The following MDFIC2 variants were observed in gnomAD, a reference collection of about 807,000 sequenced individuals.
MDFIC2 encodes the protein MyoD family inhibitor domain containing 2.
At chr3:70,219,754 C>T (rs1025101924) in intron 2 of MDFIC2, among the ~76,000 whole-genome samples, 4 of 152,076 alleles carry the variant, frequency 2.6e-5, no homozygotes, top group African/African-American at 9.7e-5. Flanking sequence ...AGATTAAGAG[C>T]AATTCTGAAA....
At chr3:70,298,905 T>C (rs1362955709) in intron 2 of MDFIC2, among the ~76,000 whole-genome samples, 2 of 152,160 alleles carry the variant, frequency 1.3e-5, no homozygotes, top group Non-Finnish European at 2.9e-5. Context: ...CTGACCTTTA[T>C]TTTCCTCATT....
chr3:70,226,844 G>C (rs928127136), intron 2 of MDFIC2, among the ~76,000 whole-genome samples: 15 of 151,916 alleles, frequency 9.9e-5, no homozygotes. Flanking sequence ...AAAAAAAATA[G>C]TGCTTAGCAG....
chr3:70,233,133 G>A (rs1380957411), intron 2 of MDFIC2, among the ~76,000 whole-genome samples: 1 of 152,206 alleles, frequency 6.6e-6, no homozygotes, highest in Non-Finnish European at 1.5e-5. Flanking sequence ...AGTTTGCAGT[G>A]AGCCAAGATC....
chr3:70,272,553 T>C (rs1701985213), intron 2 of MDFIC2, among the ~76,000 whole-genome samples: 1 of 152,256 alleles, frequency 6.6e-6, no homozygotes, highest in African/African-American at 2.4e-5. Context: ...TGAATAAGGC[T>C]GCTATAAACA....
chr3:70,266,524 G>A (rs73102610), intron 2 of MDFIC2, among the ~76,000 whole-genome samples: 1 of 152,006 alleles, frequency 6.6e-6, no homozygotes, highest in Non-Finnish European at 1.5e-5. Flanking sequence ...AGGCTCAAGT[G>A]ATCCAGAGTC....
intron 2 of MDFIC2, among the ~76,000 whole-genome samples, chr3:70,225,261 T>C (rs1701492677): frequency 6.6e-6 from 1 of 152,204 alleles, no homozygotes; most frequent in African/African-American, 2.4e-5. Flanking sequence ...AATAAACTTT[T>C]CCCCAGATTT....
chr3:70,230,745 C>T lies in MDFIC2; in HGVS notation c.89-23955G>A, dbSNP rs181718927. Among the ~76,000 whole-genome samples, 37 of 152,308 alleles carry T rather than the reference C, an allele frequency of 2.4e-4. 1 individual carries two copies. In the East Asian group the frequency reaches 4.6e-3, roughly 19 times the overall value. On this transcript the variant is annotated intron_variant, in intron 2 of 3. Coordinates refer to ENST00000567252, the MANE Select transcript of MDFIC2 (RefSeq NM_001364677.1). Reference sequence around the variant, plus strand: ...TGTCTGTGGAAGAATTCATCCCATGCCTTCACCCTCCTTGAGTTTTAAAGG... The same window carrying T: ...TGTCTGTGGAAGAATTCATCCCATGTCTTCACCCTCCTTGAGTTTTAAAGG...
intron 2 of MDFIC2, among the ~76,000 whole-genome samples, chr3:70,227,469 A>C (rs1214680396): frequency 6.6e-6 from 1 of 152,218 alleles, no homozygotes; most frequent in Non-Finnish European, 1.5e-5. Flanking sequence ...GACTTTGGCA[A>C]TATGGAGGTC....
intron 2 of MDFIC2, among the ~76,000 whole-genome samples, chr3:70,309,349 A>G (rs769595408): frequency 2.0e-5 from 3 of 152,192 alleles, no homozygotes; most frequent in Admixed American, 6.6e-5. Flanking sequence ...AAATACTATA[A>G]AAAGCATTGT....
chr3:70,263,766 T>C (rs1701889738), intron 2 of MDFIC2, among the ~76,000 whole-genome samples: 1 of 152,176 alleles, frequency 6.6e-6, no homozygotes, highest in South Asian at 2.1e-4. Context: ...CTTTCCTTCA[T>C]CTCAGTAACA....
intron 2 of MDFIC2, among the ~76,000 whole-genome samples, chr3:70,243,795 G>A (rs1701681592): frequency 6.6e-6 from 1 of 152,134 alleles, no homozygotes; most frequent in Admixed American, 6.5e-5. Context: ...TCCATAAAAA[G>A]CACTGAACTC....
At chr3:70,304,933 A>G (rs998797825) in intron 2 of MDFIC2, among the ~76,000 whole-genome samples, 3 of 150,606 alleles carry the variant, frequency 2.0e-5, no homozygotes. Flanking sequence ...CTTCCTTTCT[A>G]TCCAGCTACT....
intron 2 of MDFIC2, among the ~76,000 whole-genome samples, chr3:70,239,665 G>C (rs1257534311): frequency 2.0e-5 from 3 of 152,104 alleles, no homozygotes; most frequent in East Asian, 1.9e-4. Flanking sequence ...CAAACAAAGG[G>C]AATGAGGGCC....
At chr3:70,291,538 T>G (rs1702239771) in intron 2 of MDFIC2, among the ~76,000 whole-genome samples, 1 of 152,210 alleles carries the variant, frequency 6.6e-6, no homozygotes, top group African/African-American at 2.4e-5. Context: ...GTCTTATCTC[T>G]CATCACATTC....
At chr3:70,312,156 A>G (rs1050993420) in intron 1 of MDFIC2, among the ~76,000 whole-genome samples, 183 bp from the exon 2 acceptor site, 1 of 152,218 alleles carries the variant, frequency 6.6e-6, no homozygotes, top group Non-Finnish European at 1.5e-5. Flanking sequence ...AAACATTGAC[A>G]TTGAAAACTA....
intron 2 of MDFIC2, among the ~76,000 whole-genome samples, chr3:70,234,933 T>C (rs892663590): frequency 6.6e-6 from 1 of 152,186 alleles, no homozygotes; most frequent in South Asian, 2.1e-4. Context: ...CCTCACGGTT[T>C]CCTGATTTAT....
chr3:70,286,626 T>C (rs1441884016), intron 2 of MDFIC2, among the ~76,000 whole-genome samples: 1 of 152,044 alleles, frequency 6.6e-6, no homozygotes, highest in African/African-American at 2.4e-5. Flanking sequence ...GGGGATGGCA[T>C]TGAATCTGTA....
At chr3:70,210,763 G>A (rs1701335342) in intron 2 of MDFIC2, among the ~76,000 whole-genome samples, 2 of 143,212 alleles carry the variant, frequency 1.4e-5, no homozygotes, top group Non-Finnish European at 3.1e-5. Context: ...ACAAAAAATA[G>A]AAGCTCATCT....
intron 2 of MDFIC2, chr3:70,249,584 A>G (rs941053491): frequency 2.0e-5 from 3 of 151,982 alleles, no homozygotes; most frequent in Non-Finnish European, 4.4e-5. Context: ...CTTAAAATAT[A>G]TCATTGCAGG....
Sources: gnomAD v4.1 joint callset for allele counts (sites outside exome capture counted in the v4.1 genomes callset) on GRCh38, gnomAD v4.1.1 for gene constraint, MANE v1.5 for transcripts, NCBI Gene and HGNC (gene_info 2026-07-23, HGNC 2026-07-21) for gene names.